The following C12orf42 variants were observed in gnomAD, a reference collection of about 807,000 sequenced individuals.
C12orf42 encodes the protein uncharacterized protein C12orf42.
C12orf42 carries 25 observed loss-of-function variants against 21.6 expected under a neutral mutation model. The ratio of observed to expected loss-of-function variants is 1.16; its 90% CI spans 0.84 to 1.62. C12orf42 has a LOEUF of 1.62. Among genes scored for constraint, C12orf42 ranks in the 40% most tolerant of loss-of-function variants. The pLI is 0.00. For missense variants in C12orf42, 483 were observed against 459.3 expected, an observed-to-expected ratio of 1.05 and a Z score of -0.47; for synonymous variants, 174 against 175.0, an observed-to-expected ratio of 0.99 and a Z score of 0.05.
chr12:103,294,805 C>T (rs1445654726), intron 4 of C12orf42, among the ~76,000 whole-genome samples: 3 of 152,238 alleles, frequency 2.0e-5, no homozygotes, highest in East Asian at 3.9e-4. Context: ...AGGCTTGTTA[C>T]ATAGGTAAAC....
the C12orf42 span, among the ~76,000 whole-genome samples, chr12:103,055,206 CT>C: frequency 1.3e-5 from 2 of 151,736 alleles, no homozygotes; most frequent in South Asian, 4.2e-4. Flanking sequence ...CTAGAGATTT[CT>C]TTTTTGGGAG....
intron 4 of C12orf42, among the ~76,000 whole-genome samples, chr12:103,333,734 T>C (rs2041448376): frequency 6.8e-6 from 1 of 147,694 alleles, no homozygotes; most frequent in Admixed American, 6.8e-5. Flanking sequence ...TGTAAAAAGA[T>C]AAAAAAAAAA....
At chr12:103,336,728 T>C (rs899463468) in intron 4 of C12orf42, among the ~76,000 whole-genome samples, 1 of 152,222 alleles carries the variant, frequency 6.6e-6, no homozygotes, top group African/African-American at 2.4e-5. Context: ...CGTCTTAATT[T>C]GAGCAAAGTC....
the C12orf42 span, among the ~76,000 whole-genome samples, chr12:103,213,885 A>C: frequency 6.6e-6 from 1 of 152,246 alleles, no homozygotes; most frequent in South Asian, 2.1e-4. Flanking sequence ...TCAATAGGAC[A>C]GAATTTCATG....
the C12orf42 span, among the ~76,000 whole-genome samples, chr12:103,218,336 C>CAGGAAAA: frequency 1.3e-5 from 2 of 151,604 alleles, no homozygotes; most frequent in African/African-American, 4.9e-5. Context: ...TTCCTGAGGT[C>CAGGAAAA]AGGAAAAATA....
At chr12:103,374,513 T>C (rs550122351) in intron 3 of C12orf42, among the ~76,000 whole-genome samples, 21 of 152,262 alleles carry the variant, frequency 1.4e-4, no homozygotes, top group African/African-American at 5.1e-4. Flanking sequence ...AGCTGTAATT[T>C]CTTGCCTGTT....
the C12orf42 span, among the ~76,000 whole-genome samples, chr12:103,090,181 G>T: frequency 1.8e-4 from 27 of 152,288 alleles, 1 homozygote; most frequent in African/African-American, 6.5e-4. Flanking sequence ...AAATTCAAAT[G>T]CACTTGTTTG....
chr12:103,546,127 T>C, the C12orf42 span, among the ~76,000 whole-genome samples: 1 of 152,184 alleles, frequency 6.6e-6, no homozygotes, highest in Non-Finnish European at 1.5e-5. Flanking sequence ...CTTGAGGAGA[T>C]GGGGATGACG....
the C12orf42 span, among the ~76,000 whole-genome samples, chr12:103,072,737 C>T: frequency 1.3e-5 from 2 of 152,220 alleles, no homozygotes; most frequent in South Asian, 2.1e-4. Context: ...AGTGTATAAG[C>T]GTATCTTTTT....
the C12orf42 span, among the ~76,000 whole-genome samples, chr12:103,225,286 T>G: frequency 6.6e-6 from 1 of 152,114 alleles, no homozygotes; most frequent in Non-Finnish European, 1.5e-5. Context: ...TGAACTAACT[T>G]GTAAGGCTTG....
At chr12:103,176,258 T>A in the C12orf42 span, among the ~76,000 whole-genome samples, 1 of 152,190 alleles carries the variant, frequency 6.6e-6, no homozygotes, top group South Asian at 2.1e-4. Flanking sequence ...ATACATCGTA[T>A]AAAAATGTCT....
At chr12:103,460,991 T>A (rs1949055113) in intron 2 of C12orf42, among the ~76,000 whole-genome samples, 1 of 152,166 alleles carries the variant, frequency 6.6e-6, no homozygotes, top group South Asian at 2.1e-4. Context: ...GTAGATTTGT[T>A]GTAGAACAAC....
At chr12:103,284,636 C>T (rs1350154840) in intron 4 of C12orf42, among the ~76,000 whole-genome samples, 1 of 152,128 alleles carries the variant, frequency 6.6e-6, no homozygotes. Context: ...ATCGCTAATA[C>T]CAAGAGCAAT....
Position 103,436,480 on chromosome 12 carries a change from C to G in C12orf42, c.79-34805G>C, listed in dbSNP as rs570547654. ...GCAAATTGGATAAAGAGTCAAGACC[C>G]ATCAATGTGCTGTATTCAGGAAACC... On this transcript the variant is annotated intron_variant, in intron 2 of 5. Transcript: ENST00000548883. 5.5e-3 allele frequency among the ~76,000 whole-genome samples: 829 copies of G among 151,696 alleles called. 9 individuals are homozygous for G. The highest frequency in any genetic ancestry group is 0.019 in the African/African-American group (782 of 41,254).
intron 4 of C12orf42, among the ~76,000 whole-genome samples, chr12:103,280,683 A>G (rs779838164): frequency 3.3e-5 from 5 of 152,320 alleles, no homozygotes; most frequent in Non-Finnish European, 5.9e-5. Context: ...TACAATAAAT[A>G]AATAATACTA....
intron 2 of C12orf42, among the ~76,000 whole-genome samples, chr12:103,440,426 T>G (rs1279734133): frequency 3.5e-4 from 8 of 23,068 alleles, no homozygotes; most frequent in South Asian, 1.9e-3. Flanking sequence ...TAAAATAAAA[T>G]AAAATAAATA....
chr12:103,215,237 C>T, the C12orf42 span, among the ~76,000 whole-genome samples: 2 of 152,000 alleles, frequency 1.3e-5, no homozygotes, highest in Non-Finnish European at 2.9e-5. Context: ...AATACTAACA[C>T]TAACTCTGAC....
the C12orf42 span, among the ~76,000 whole-genome samples, chr12:103,090,996 A>G: frequency 6.6e-6 from 1 of 151,878 alleles, no homozygotes; most frequent in Non-Finnish European, 1.5e-5. Context: ...AAAAAAAAAG[A>G]ATACAAAAAA....
the C12orf42 span, among the ~76,000 whole-genome samples, chr12:103,533,964 G>T: frequency 3.6e-4 from 55 of 152,086 alleles, no homozygotes; most frequent in East Asian, 0.01. Context: ...TGCAAAATGG[G>T]GATAATACAG....
Sources: allele counts gnomAD v4.1 joint callset (sites outside exome capture counted in the v4.1 genomes callset), GRCh38; gene constraint gnomAD v4.1.1; transcripts MANE v1.5; gene names NCBI Gene and HGNC (gene_info 2026-07-23, HGNC 2026-07-21).